Variants in VSTM2B observed in about 807,000 individuals in gnomAD.
VSTM2B encodes V-set and transmembrane domain-containing protein 2B.
Under a neutral mutation model 24.0 loss-of-function variants are expected in VSTM2B, and 24 were observed. The ratio of observed to expected loss-of-function variants is 1.00; its 90% CI spans 0.72 to 1.40. VSTM2B has a LOEUF of 1.40. Ranked by LOEUF, VSTM2B falls within the 40% of genes most tolerant of loss-of-function variation. VSTM2B has a pLI of 0.00. For missense variants in VSTM2B, 399 were observed against 416.4 expected, an observed-to-expected ratio of 0.96 and a Z score of 0.36; for synonymous variants, 226 against 194.4, an observed-to-expected ratio of 1.16 and a Z score of -1.35.
chr19:29,561,063 G>A (rs960437277), intron 4 of VSTM2B, among the ~76,000 whole-genome samples: 2 of 152,160 alleles, frequency 1.3e-5, no homozygotes, highest in African/African-American at 2.4e-5. Context: ...TGTAATCCCA[G>A]CACTTTGGGA....
chr19:29,559,507 G>GT (rs1970482155), intron 4 of VSTM2B, among the ~76,000 whole-genome samples: 1 of 152,222 alleles, frequency 6.6e-6, no homozygotes, highest in Non-Finnish European at 1.5e-5. Context: ...AATACCTAAT[G>GT]TAGGTGACTG....
intron 1 of VSTM2B, 105 bp from the exon 2 acceptor site, chr19:29,527,106 G>T: frequency 3.9e-6 from 4 of 1,019,496 alleles, no homozygotes; most frequent in Non-Finnish European, 1.4e-6. Flanking sequence ...GCTGCGGGGT[G>T]GGGGGCACAA....
chr19:29,527,273 T>A lies in VSTM2B; in HGVS notation c.145T>A (p.Cys49Ser), dbSNP rs986881559. ...GGAGGGAGACGACATCGAAATGCCC[T>A]GCGCGTTCCGGGCCAGCGGAGCCAC... The part of the protein sequence containing the change: ...VREGDDIEMP[C>S]AFRASGATSY... Residue 49 changes from cysteine (C) to serine (S), a missense_variant, in exon 2 of 5, where the codon TGC (cysteine) becomes AGC (serine). Transcript: ENST00000335523. The A allele has an allele frequency of 6.5e-7, 1 of 1,550,366 alleles. No homozygotes were observed. The highest frequency in any genetic ancestry group is 8.7e-7 in the Non-Finnish European group (1 of 1,146,812).
chr19:29,545,367 C>A (rs1030671153), intron 4 of VSTM2B, among the ~76,000 whole-genome samples: 5 of 152,174 alleles, frequency 3.3e-5, no homozygotes, highest in Admixed American at 6.5e-5. Flanking sequence ...AATCCCAGCA[C>A]TTTGGGAGGC....
chr19:29,527,124 CAGCCAGAG>C, intron 1 of VSTM2B, 79 bp from the exon 2 acceptor site: 1 of 1,234,422 alleles, frequency 8.1e-7, no homozygotes, highest in Non-Finnish European at 1.1e-6. Flanking sequence ...CAAGGCCAGC[CAGCCAGAG>C]ACCGACTGCC....
intron 4 of VSTM2B, among the ~76,000 whole-genome samples, chr19:29,541,007 G>A (rs549472488): frequency 1.3e-5 from 2 of 152,218 alleles, no homozygotes; most frequent in East Asian, 1.9e-4. Context: ...CATGTGCAAA[G>A]GTCCTGCGGC....
chr19:29,546,926 GC>G (rs1970171047), intron 4 of VSTM2B, among the ~76,000 whole-genome samples: 1 of 152,174 alleles, frequency 6.6e-6, no homozygotes, highest in Non-Finnish European at 1.5e-5. Context: ...TCCTTCCCTT[GC>G]AAGTAGCCAG....
chr19:29,556,454 T>C (rs1428986501), intron 4 of VSTM2B, among the ~76,000 whole-genome samples: 1 of 152,164 alleles, frequency 6.6e-6, no homozygotes, highest in East Asian at 1.9e-4. Context: ...GCTGAAAGTG[T>C]TCCCCTTGAA....
At chr19:29,534,750 A>C (rs1024179216) in intron 4 of VSTM2B, among the ~76,000 whole-genome samples, 5 of 151,900 alleles carry the variant, frequency 3.3e-5, no homozygotes, top group Non-Finnish European at 5.9e-5. Context: ...AAGAAAAGAA[A>C]AGAAAGAGGC....
chr19:29,559,885 C>T (rs535901760), intron 4 of VSTM2B, among the ~76,000 whole-genome samples: 5 of 152,224 alleles, frequency 3.3e-5, no homozygotes, highest in South Asian at 2.1e-4. Flanking sequence ...ACACCACAGC[C>T]GTTTTTAGCT....
chr19:29,560,892 C>T (rs1199221095), intron 4 of VSTM2B, among the ~76,000 whole-genome samples: 1 of 152,208 alleles, frequency 6.6e-6, no homozygotes, highest in East Asian at 1.9e-4. Context: ...GCCATTTCCC[C>T]TGCCGCTGCA....
At chr19:29,561,789 C>T (rs1228461625) in intron 4 of VSTM2B, among the ~76,000 whole-genome samples, 2 of 152,190 alleles carry the variant, frequency 1.3e-5, no homozygotes, top group Non-Finnish European at 2.9e-5. Flanking sequence ...CGTGGGCATC[C>T]ATCAGCTCGT....
chr19:29,550,683 G>A (rs1316024891), intron 4 of VSTM2B, among the ~76,000 whole-genome samples: 1 of 152,202 alleles, frequency 6.6e-6, no homozygotes. Context: ...GACAAAGCAA[G>A]TGAAAGACAG....
At chr19:29,529,423 G>T (rs1231354561) in intron 3 of VSTM2B, among the ~76,000 whole-genome samples, 3 of 152,208 alleles carry the variant, frequency 2.0e-5, no homozygotes, top group African/African-American at 7.2e-5. Context: ...CGGGAAAGAC[G>T]TGGGGAAGTT....
intron 4 of VSTM2B, among the ~76,000 whole-genome samples, chr19:29,533,491 C>G (rs1190763180): frequency 6.6e-6 from 1 of 152,206 alleles, no homozygotes; most frequent in Non-Finnish European, 1.5e-5. Context: ...GAAGGTGGGC[C>G]TTCAGCTGGG....
At position 29,527,247 on chromosome 19, in the gene VSTM2B, G is replaced by C. The variant is rs913198778; in HGVS notation, c.119G>C (p.Arg40Pro). 4.5e-6 allele frequency: 7 copies of C among 1,550,128 alleles called. No homozygotes were observed. The African/African-American group carries it at 5.5e-5, about 12-fold the overall frequency. Reference sequence around the variant, plus strand: ...GAAGTCCCCAAAGATGTGACAGTACGGGAGGGAGACGACATCGAAATGCCC... The same window carrying C: ...GAAGTCCCCAAAGATGTGACAGTACCGGAGGGAGACGACATCGAAATGCCC... ...FTEVPKDVTV[R>P]EGDDIEMPCA... The change falls in exon 2 of 5, where the codon CGG (arginine) becomes CCG (proline). Residue 40 changes from arginine (R) to proline (P), a missense_variant. Physicochemically the swap from Arg to Pro is moderately radical, Grantham distance 103. Transcript: ENST00000335523.
At chr19:29,529,095 A>C (rs1449518474) in intron 3 of VSTM2B, 5 of 985,272 alleles carry the variant, frequency 5.1e-6, no homozygotes, top group Admixed American at 6.1e-5. Context: ...CTCGGTTCAG[A>C]GGTGAGGGCT....
rs1409220575 is a variant in VSTM2B, at chr19:29,529,833, G to C, written c.312G>C (p.Gln104His). The C allele has an allele frequency of 1.9e-5, 30 of 1,549,802 alleles. No individual in the cohort carries two copies. Among genetic ancestry groups the C allele is most frequent in the Non-Finnish European group, 2.4e-5 (27 of 1,146,654 alleles). Reference protein sequence around the residue: ...DATKISTVRVQGNDISHRLRL... With the variant: ...DATKISTVRVHGNDISHRLRL... ...CTCTCTTGCAGACCGTACGCGTCCA[G>C]GGCAATGACATCTCACACCGGCTTC... Residue 104 changes from glutamine to histidine, a missense_variant, in exon 4 of 5, where the codon CAG becomes CAC. Gln to His is a conservative substitution (Grantham distance 24). Coordinates refer to ENST00000335523, the MANE Select transcript of VSTM2B (RefSeq NM_001146339.2).
intron 3 of VSTM2B, chr19:29,528,895 C>T (rs1599874307): frequency 2.0e-6 from 2 of 984,560 alleles, no homozygotes; most frequent in South Asian, 9.4e-5. Context: ...CCGCTGCAAC[C>T]CTTTATCCTC....
Sources: gnomAD v4.1 joint callset for allele counts (sites outside exome capture counted in the v4.1 genomes callset) on GRCh38, gnomAD v4.1.1 for gene constraint, MANE v1.5 for transcripts, NCBI Gene and HGNC (gene_info 2026-07-23, HGNC 2026-07-21) for gene names.